Variants in NDUFAB1 observed in about 807,000 individuals in gnomAD.
NDUFAB1 encodes NADH:ubiquinone oxidoreductase subunit AB1, also known as acyl carrier protein, mitochondrial.
NDUFAB1 carries 5 observed loss-of-function variants against 16.1 expected under a neutral mutation model. That is an observed-to-expected ratio of 0.31 (90% CI 0.16 to 0.65). The LOEUF is 0.65. Among genes scored for constraint, NDUFAB1 ranks in the 30% least tolerant of loss-of-function variants. NDUFAB1 has a pLI of 0.77. For synonymous variants in NDUFAB1, 85 were observed against 78.4 expected (o/e 1.08, Z -0.44); for missense variants, 187 against 205.3 (o/e 0.91, Z 0.54).
intron 3 of NDUFAB1, among the ~76,000 whole-genome samples, chr16:23,583,299 C>T (rs111360534): frequency 0.015 from 1,951 of 132,026 alleles, 20 homozygotes; most frequent in South Asian, 0.023. Context: ...GAGGAGCGCC[C>T]CTTCCCGGCC....
intron 1 of NDUFAB1, among the ~76,000 whole-genome samples, chr16:23,589,507 A>T (rs1055917963): frequency 4.6e-5 from 7 of 152,188 alleles, no homozygotes; most frequent in African/African-American, 1.7e-4. Context: ...AATGACTCAA[A>T]TAGGTTTCCA....
chr16:23,594,018 C>G (rs2142239529), intron 1 of NDUFAB1, among the ~76,000 whole-genome samples: 1 of 151,914 alleles, frequency 6.6e-6, no homozygotes, highest in Non-Finnish European at 1.5e-5. Flanking sequence ...GTAGCTGGGA[C>G]TACAGGCGCC....
At chr16:23,584,253 ATT>A (rs1491479988) in intron 3 of NDUFAB1, among the ~76,000 whole-genome samples, 5,644 of 102,456 alleles carry the variant, frequency 0.055, 672 homozygotes, top group African/African-American at 0.066. Context: ...AGAATGATCA[ATT>A]AAAAAAAAAA....
intron 2 of NDUFAB1, 27 bp downstream of exon 2, chr16:23,587,170 A>G: frequency 6.3e-7 from 1 of 1,597,770 alleles, no homozygotes; most frequent in African/African-American, 1.3e-5. Context: ...ATATTTAAAG[A>G]AAAAAATTCA....
chr16:23,584,837 G>A (rs1455849064), intron 3 of NDUFAB1, among the ~76,000 whole-genome samples: 2 of 152,216 alleles, frequency 1.3e-5, no homozygotes, highest in Non-Finnish European at 2.9e-5. Context: ...AAACAGCCAT[G>A]GAACCTTATA....
chr16:23,588,331 T>G (rs1966250715), intron 1 of NDUFAB1, among the ~76,000 whole-genome samples: 1 of 151,832 alleles, frequency 6.6e-6, no homozygotes, highest in South Asian at 2.1e-4. Flanking sequence ...GGTGGGCGCC[T>G]GTAATCCCAG....
rs1178222037 is a variant in NDUFAB1 at position 23,587,311 on chromosome 16, A to G, written c.177T>C (p.Gly59=). 6.2e-6 allele frequency: 10 copies of G among 1,613,650 alleles called. No homozygotes were observed. In the East Asian group the frequency reaches 1.8e-4, roughly 29 times the overall value. The part of the protein sequence containing the change: ...QPALVLAQVP[G]RVTQLCRQYS... ...ACTGGCGGCACAACTGTGTAACTCT[A>G]CCAGGAACCTAGAGCGACGGCAGGA... Residue 59 remains glycine (G), a synonymous_variant, in exon 2 of 5, where the codon GGT becomes GGC. Transcript: ENST00000007516.
chr16:23,588,705 G>A (rs1966253960), intron 1 of NDUFAB1, among the ~76,000 whole-genome samples: 1 of 152,102 alleles, frequency 6.6e-6, no homozygotes, highest in African/African-American at 2.4e-5. Context: ...TTGGGCCGAT[G>A]TGTGTCTCAC....
chr16:23,592,010 A>G (rs1238081989), intron 1 of NDUFAB1, among the ~76,000 whole-genome samples: 2 of 152,244 alleles, frequency 1.3e-5, no homozygotes, highest in African/African-American at 4.8e-5. Flanking sequence ...TCCACAGATC[A>G]TTTTAGTTGA....
At chr16:23,582,764 C>A (rs1966192166) in intron 3 of NDUFAB1, among the ~76,000 whole-genome samples, 1 of 150,896 alleles carries the variant, frequency 6.6e-6, no homozygotes, top group Non-Finnish European at 1.5e-5. Context: ...GTCTCCCTCT[C>A]CCTCTCCCTC....
At chr16:23,590,095 G>C (rs1237524895) in intron 1 of NDUFAB1, among the ~76,000 whole-genome samples, 1 of 152,172 alleles carries the variant, frequency 6.6e-6, no homozygotes, top group African/African-American at 2.4e-5. Context: ...CCCCTGGTGA[G>C]GGTATATTCT....
intron 3 of NDUFAB1, among the ~76,000 whole-genome samples, chr16:23,583,322 AG>A (rs1237160151): frequency 7.1e-6 from 1 of 140,072 alleles, no homozygotes; most frequent in East Asian, 2.2e-4. Flanking sequence ...CATCCTGTCT[AG>A]GAAGTGAGGA....
chr16:23,593,378 T>C (rs1233628328), intron 1 of NDUFAB1, among the ~76,000 whole-genome samples: 2 of 152,206 alleles, frequency 1.3e-5, no homozygotes, highest in Non-Finnish European at 2.9e-5. Flanking sequence ...AGCCAGCAAG[T>C]TGGACATAAG....
Position 23,596,235 on chromosome 16 carries a change from G to T in NDUFAB1, c.56C>A (p.Pro19Gln), listed in dbSNP as rs769426451. ...GGCCAGCATCCGGACCCGGGGCAGC[G>T]GCGCAAAGGCCGCGGGCAGGCGGCT... is the stretch of plus-strand genomic sequence containing the variant. ...YVSRLPAAFA[P>Q]LPRVRMLAVA... is the part of the protein sequence containing the mutation. Residue 19 changes from proline to glutamine, a missense_variant, in exon 1 of 5, where the codon CCG becomes CAG. By Grantham distance (76) the Pro-to-Gln change is moderately conservative (BLOSUM62 -1). Transcript: ENST00000007516. 2.4e-5 allele frequency: 39 copies of T among 1,606,166 alleles called. No homozygotes were observed. The highest frequency in any genetic ancestry group is 3.1e-5 in the Non-Finnish European group (37 of 1,177,292).
At chr16:23,586,159 C>T (rs2142233886) in intron 2 of NDUFAB1, among the ~76,000 whole-genome samples, 1 of 152,226 alleles carries the variant, frequency 6.6e-6, no homozygotes, top group African/African-American at 2.4e-5. Flanking sequence ...AACCCCTGAC[C>T]TCGTGATCCA....
intron 3 of NDUFAB1, among the ~76,000 whole-genome samples, chr16:23,583,666 C>A (rs1409165737): frequency 2.4e-5 from 3 of 124,602 alleles, no homozygotes; most frequent in Admixed American, 7.6e-5. Flanking sequence ...GCAGCCGCCC[C>A]GTCTGAGAAG....
chr16:23,593,281 A>G (rs1966295176), intron 1 of NDUFAB1, among the ~76,000 whole-genome samples: 1 of 152,232 alleles, frequency 6.6e-6, no homozygotes, highest in South Asian at 2.1e-4. Flanking sequence ...CCTGAAAGGC[A>G]AAGTGTCCCA....
Position 23,591,917 on chromosome 16 carries a change from CTG to C in NDUFAB1, c.168+4204_168+4205del, listed in dbSNP as rs1390197798. Among the ~76,000 whole-genome samples the C allele has an allele frequency of 2.6e-5, 4 of 152,204 alleles. No homozygotes were observed. The East Asian group carries it at 7.7e-4, about 29-fold the overall frequency. Reference sequence around the variant, plus strand: ...GGGAACTTTACCTGTGTGCCAAGAACTGTGCAATGGGCTGGAAATGCAAAGAT... The same window carrying C: ...GGGAACTTTACCTGTGTGCCAAGAACTGCAATGGGCTGGAAATGCAAAGAT... On this transcript the variant is annotated intron_variant, in intron 1 of 4. Coordinates refer to ENST00000007516, the MANE Select transcript of NDUFAB1 (RefSeq NM_005003.3).
intron 3 of NDUFAB1, among the ~76,000 whole-genome samples, chr16:23,583,724 C>CCCCTCT: frequency 3.4e-5 from 4 of 117,142 alleles, no homozygotes; most frequent in African/African-American, 1.1e-4. Flanking sequence ...AAGTGAGGAG[C>CCCCTCT]GTCTCCGCCC....
Sources: allele counts gnomAD v4.1 joint callset (sites outside exome capture counted in the v4.1 genomes callset), GRCh38; gene constraint gnomAD v4.1.1; transcripts MANE v1.5; gene names NCBI Gene and HGNC (gene_info 2026-07-23, HGNC 2026-07-21).